Variants in PTPRT observed in about 807,000 individuals in gnomAD.
PTPRT encodes the protein protein tyrosine phosphatase receptor type T.
A neutral mutation model predicts 176.8 loss-of-function variants in PTPRT; 56 were observed. The observed-to-expected ratio is 0.32, with a 90% CI of 0.26 to 0.40. The LOEUF is 0.40. Among genes scored for constraint, PTPRT ranks in the 10% least tolerant of loss-of-function variants. PTPRT has a pLI of 1.00. For synonymous variants in PTPRT, 783 were observed against 739.0 expected, an observed-to-expected ratio of 1.06 and a Z score of -0.96; for missense variants, 1,540 against 1,908.2, an observed-to-expected ratio of 0.81 and a Z score of 3.60.
At chr20:42,401,666 C>T (rs1461254736) in intron 9 of PTPRT, among the ~76,000 whole-genome samples, 2 of 152,092 alleles carry the variant, frequency 1.3e-5, no homozygotes, top group East Asian at 3.9e-4. Context: ...GAGCCCCAAT[C>T]CCCTCCTTTA....
intron 7 of PTPRT, among the ~76,000 whole-genome samples, chr20:42,600,967 G>A (rs905791850): frequency 1.7e-4 from 26 of 152,070 alleles, no homozygotes; most frequent in Non-Finnish European, 3.7e-4. Context: ...GGGTGGGTTT[G>A]GATCCCTCTG....
intron 2 of PTPRT, among the ~76,000 whole-genome samples, chr20:42,813,373 C>T (rs2077729667): frequency 6.6e-6 from 1 of 151,420 alleles, no homozygotes; most frequent in Non-Finnish European, 1.5e-5. Context: ...TGCTTGCATC[C>T]CTTCCTTCCT....
intron 1 of PTPRT, among the ~76,000 whole-genome samples, chr20:43,047,365 C>G (rs1248140816): frequency 1.3e-5 from 2 of 152,120 alleles, no homozygotes; most frequent in East Asian, 3.9e-4. Flanking sequence ...GGGTGTCACT[C>G]AACCAGCAGG....
At chr20:42,129,729 T>A (rs1318736792) in intron 18 of PTPRT, among the ~76,000 whole-genome samples, 2 of 152,306 alleles carry the variant, frequency 1.3e-5, no homozygotes, top group East Asian at 3.9e-4. Flanking sequence ...GCTCTGGACA[T>A]CCCCAAGGGT....
At chr20:42,344,902 G>A (rs1296590685) in intron 11 of PTPRT, among the ~76,000 whole-genome samples, 4 of 151,900 alleles carry the variant, frequency 2.6e-5, no homozygotes, top group South Asian at 2.1e-4. Context: ...TTTTGCATAG[G>A]CTGCTCTTTC....
intron 7 of PTPRT, among the ~76,000 whole-genome samples, chr20:42,584,634 T>C (rs1388105062): frequency 6.6e-6 from 1 of 152,150 alleles, no homozygotes; most frequent in African/African-American, 2.4e-5. Context: ...TTCACAATAT[T>C]AATATTTATA....
At chr20:42,363,300 A>ATTTTTTTTTTTTTT (rs879370769) in intron 9 of PTPRT, among the ~76,000 whole-genome samples, 3 of 30,562 alleles carry the variant, frequency 9.8e-5, no homozygotes, top group African/African-American at 1.7e-4. Flanking sequence ...ATATATATAT[A>ATTTTTTTTTTTTTT]TTTTTTTTTT....
At chr20:42,356,296 T>A (rs997378921) in intron 9 of PTPRT, among the ~76,000 whole-genome samples, 10 of 152,144 alleles carry the variant, frequency 6.6e-5, no homozygotes, top group Admixed American at 6.5e-4. Flanking sequence ...AACCCTGGGC[T>A]CCTGGCATGG....
intron 1 of PTPRT, among the ~76,000 whole-genome samples, chr20:43,079,472 T>C (rs189583860): frequency 2.0e-5 from 3 of 152,302 alleles, no homozygotes; most frequent in Non-Finnish European, 2.9e-5. Context: ...GTTAAATATA[T>C]AGGCTAATTT....
intron 18 of PTPRT, among the ~76,000 whole-genome samples, chr20:42,137,231 G>T (rs546016392): frequency 1.3e-5 from 2 of 152,312 alleles, no homozygotes; most frequent in Admixed American, 1.3e-4. Flanking sequence ...GAAGAATGGA[G>T]GCTGAGAGTC....
intron 7 of PTPRT, among the ~76,000 whole-genome samples, chr20:42,650,408 C>G (rs2075008448): frequency 6.6e-6 from 1 of 152,174 alleles, no homozygotes; most frequent in Non-Finnish European, 1.5e-5. Flanking sequence ...CTCCATCTCC[C>G]TGGGCTCATC....
chr20:42,825,890 A>C (rs1004292678), intron 2 of PTPRT, among the ~76,000 whole-genome samples: 1 of 152,074 alleles, frequency 6.6e-6, no homozygotes, highest in Non-Finnish European at 1.5e-5. Flanking sequence ...TGGAGTACCA[A>C]AAGGACCCAG....
chr20:42,862,111 C>T (rs2078672908), intron 2 of PTPRT, among the ~76,000 whole-genome samples: 1 of 151,922 alleles, frequency 6.6e-6, no homozygotes, highest in Non-Finnish European at 1.5e-5. Flanking sequence ...ACATTTTACC[C>T]TTTTTTTTGG....
At chr20:42,289,944 C>G (rs1017134987) in intron 12 of PTPRT, among the ~76,000 whole-genome samples, 2 of 152,030 alleles carry the variant, frequency 1.3e-5, no homozygotes. Flanking sequence ...AATTCCATAA[C>G]CAATTTGTCT....
intron 7 of PTPRT, among the ~76,000 whole-genome samples, chr20:42,634,057 A>ATAT (rs1297463744): frequency 9.8e-5 from 3 of 30,618 alleles, no homozygotes; most frequent in African/African-American, 6.8e-4. Context: ...ATATATTATA[A>ATAT]ATATATAATA....
intron 15 of PTPRT, among the ~76,000 whole-genome samples, chr20:42,234,696 G>C (rs1286325646): frequency 6.6e-6 from 1 of 152,234 alleles, no homozygotes; most frequent in African/African-American, 2.4e-5. Context: ...CTGGGTTCTA[G>C]CCATTTCTTC....
At chr20:42,207,007 G>C (rs1175421916) in intron 15 of PTPRT, among the ~76,000 whole-genome samples, 5 of 152,180 alleles carry the variant, frequency 3.3e-5, no homozygotes, top group Admixed American at 6.5e-5. Flanking sequence ...CAGCCTAACT[G>C]GGAGGCACCC....
Position 42,791,420 on chromosome 20 carries a change from C to T in PTPRT, c.261G>A (p.Lys87=), listed in dbSNP as rs764237414. Residue 87 remains lysine, a synonymous_variant, in exon 3 of 31, where the codon AAG becomes AAA. Transcript: ENST00000373187. The part of the protein sequence containing the change: ...VNSSGRASGQ[K]AHLLLPTLKE... ...TCAGGGTTGGCAGGAGAAGGTGGGC[C>T]TTCTGGCCAGAGGCTCTCCCAGAGC... is the stretch of plus-strand genomic sequence containing the variant. 1.2e-6 allele frequency: 2 copies of T among 1,613,794 alleles called. No individual in the cohort carries two copies. Among genetic ancestry groups the T allele is most frequent in the Non-Finnish European group, 1.7e-6 (2 of 1,179,824 alleles).
intron 7 of PTPRT, among the ~76,000 whole-genome samples, chr20:42,496,406 C>G (rs2071654165): frequency 6.6e-6 from 1 of 152,134 alleles, no homozygotes; most frequent in African/African-American, 2.4e-5. Context: ...GTTTCCATGT[C>G]CTAAAAGAAG....
Sources: gnomAD v4.1 joint callset for allele counts (sites outside exome capture counted in the v4.1 genomes callset) on GRCh38, gnomAD v4.1.1 for gene constraint, MANE v1.5 for transcripts, NCBI Gene and HGNC (gene_info 2026-07-23, HGNC 2026-07-21) for gene names.